Variants in EBF4 observed in about 807,000 individuals in gnomAD.
The protein encoded by EBF4 is EBF transcription factor 4, also known as transcription factor COE4.
EBF4 carries 34 observed loss-of-function variants against 67.1 expected under a neutral mutation model. That is an observed-to-expected ratio of 0.51 (90% CI 0.39 to 0.67). EBF4 has a LOEUF of 0.67. Among genes scored for constraint, EBF4 ranks in the 30% least tolerant of loss-of-function variants. EBF4 has a pLI of 0.00. For missense variants in EBF4, 837 were observed against 873.3 expected, an observed-to-expected ratio of 0.96 and a Z score of 0.52; for synonymous variants, 387 against 377.7, an observed-to-expected ratio of 1.02 and a Z score of -0.29.
intron 1 of EBF4, among the ~76,000 whole-genome samples, chr20:2,701,870 T>A (rs2087380477): frequency 6.6e-6 from 1 of 152,196 alleles, no homozygotes; most frequent in African/African-American, 2.4e-5. Flanking sequence ...GAGTTCAAGT[T>A]AAGCTGGTCC....
chr20:2,743,249 C>A (rs1003419682), intron 6 of EBF4, among the ~76,000 whole-genome samples: 1 of 152,200 alleles, frequency 6.6e-6, no homozygotes, highest in South Asian at 2.1e-4. Flanking sequence ...CCAGCCTCTG[C>A]GGTGTGTCTG....
chr20:2,730,367 T>G lies in EBF4; in HGVS notation c.558-18182T>G, dbSNP rs2146444531. ...TTCATCTTCACAGTGCCTCTTCCTC[T>G]TCTGTCTAATCTCCCTCTATCCTAT... On this transcript the variant is annotated intron_variant, in intron 6 of 16. Transcript: ENST00000609451. Among the ~76,000 whole-genome samples, 5 of 152,284 alleles carry G rather than the reference T, an allele frequency of 3.3e-5. 1 individual carries two copies. In the South Asian group the frequency reaches 1.0e-3, roughly 32 times the overall value.
chr20:2,756,264 TAGA>T lies in EBF4; in HGVS notation c.1738+444_1738+446del, dbSNP rs2088241388. On this transcript the variant is annotated intron_variant, in intron 15 of 16. Coordinates refer to ENST00000609451, the Ensembl canonical transcript of EBF4. This position sits in a 1 kb window ranked among gnomAD's most constrained non-coding sequence, Gnocchi z 4.5. Reference sequence around the variant, plus strand: ...GCTGACCATGGAAGGGGACTGACCTTAGAAGAGGCTTAGCCCAGCTTCCCTCCC... The same window carrying T: ...GCTGACCATGGAAGGGGACTGACCTTAGAGGCTTAGCCCAGCTTCCCTCCC... 1.3e-5 allele frequency among the ~76,000 whole-genome samples: 2 copies of T among 152,300 alleles called. No individual in the cohort carries two copies. Among genetic ancestry groups the T allele is most frequent in the South Asian group, 4.1e-4 (2 of 4,832 alleles).
Position 2,755,924 on chromosome 20 carries a change from A to C in EBF4, c.1738+100A>C. 1 of 1,189,524 alleles carries C rather than the reference A, an allele frequency of 8.4e-7. No homozygotes were observed. Among genetic ancestry groups the C allele is most frequent in the Non-Finnish European group, 1.2e-6 (1 of 864,208 alleles). The allele number at this position is 1,189,524 out of a possible 1,614,324, so 73.7% of individuals were successfully genotyped here. On this transcript the variant is annotated intron_variant, in intron 15 of 16. Coordinates refer to ENST00000609451, the Ensembl canonical transcript of EBF4. The surrounding 1 kb of genome is among the most constrained non-coding windows in gnomAD (Gnocchi z 4.7). Reference sequence around the variant, plus strand: ...TCTGTCCACATCTCACCAGTGCCTCATGCTGGCTAACCTGCTCTTCTTGGA... The same window carrying C: ...TCTGTCCACATCTCACCAGTGCCTCCTGCTGGCTAACCTGCTCTTCTTGGA...
At chr20:2,729,948 G>GCT (rs1320536910) in intron 6 of EBF4, among the ~76,000 whole-genome samples, 1 of 152,164 alleles carries the variant, frequency 6.6e-6, no homozygotes, top group Non-Finnish European at 1.5e-5. Flanking sequence ...GCCACTGGAA[G>GCT]CTCTGGAATG....
At chr20:2,748,507 A>G (rs1600240620) in intron 6 of EBF4, 42 bp from the exon 7 acceptor site, 1 of 1,532,738 alleles carries the variant, frequency 6.5e-7, no homozygotes, top group South Asian at 1.2e-5. Context: ...ATCTGTTTCC[A>G]GAACCCCCAG....
intron 6 of EBF4, among the ~76,000 whole-genome samples, chr20:2,728,269 T>C (rs894900511): frequency 2.0e-5 from 3 of 152,216 alleles, no homozygotes; most frequent in African/African-American, 4.8e-5. Context: ...TCATCTTTTT[T>C]CCACCACTCT....
At chr20:2,752,196 G>A in exon 13 of EBF4, 2 of 1,425,252 alleles carry the variant, frequency 1.4e-6, no homozygotes, top group Non-Finnish European at 1.8e-6. Context: ...CCGCCGTCGT[G>A]GGCATCAACG....
At chr20:2,735,141 T>C (rs1254531678) in intron 6 of EBF4, among the ~76,000 whole-genome samples, 4 of 152,200 alleles carry the variant, frequency 2.6e-5, no homozygotes, top group African/African-American at 7.2e-5. Flanking sequence ...ACCCTGAAGA[T>C]AGGGTCTTTC....
Position 2,756,843 on chromosome 20 carries a change from T to C in EBF4, c.1738+1019T>C, listed in dbSNP as rs907040722. Among the ~76,000 whole-genome samples the C allele has an allele frequency of 1.3e-5, 2 of 152,224 alleles. No individual in the cohort carries two copies. Among genetic ancestry groups the C allele is most frequent in the African/African-American group, 4.8e-5 (2 of 41,460 alleles). ...GTGTTGAAATTACGTAAGTGGCTAC[T>C]GAAGAATTTGTCAGAGCCTTTCATG... is the stretch of plus-strand genomic sequence containing the variant. On this transcript the variant is annotated intron_variant, in intron 15 of 16. Transcript: ENST00000609451. The surrounding 1 kb of genome is among the most constrained non-coding windows in gnomAD (Gnocchi z 4.5).
rs35298353 is a variant in EBF4, at chr20:2,744,492, C to CTTTT, written c.558-4043_558-4040dup. 1.3e-3 allele frequency among the ~76,000 whole-genome samples: 147 copies of CTTTT among 115,862 alleles called. 3 individuals carry two copies. Among genetic ancestry groups the CTTTT allele is most frequent in the African/African-American group, 4.5e-3 (136 of 29,964 alleles). The allele number at this position is 115,862 out of a possible 152,430, so 76.0% of individuals were successfully genotyped here. A position where few individuals can be genotyped will look rare whatever the true frequency, so the allele number is the denominator to read the frequency against. ...CTTTTCTTTTTTCTTTTTTTCTTTT[C>CTTTT]TTTTTTTTTTTTTTTTTGAGACAGG... On this transcript the variant is annotated intron_variant, in intron 6 of 16. Coordinates refer to ENST00000609451, the Ensembl canonical transcript of EBF4.
rs151176445 is a variant in EBF4, at chr20:2,703,802, G to A, written c.138-1775G>A. 2.1e-3 allele frequency among the ~76,000 whole-genome samples: 323 copies of A among 152,308 alleles called. 2 individuals are homozygous for A. The highest frequency in any genetic ancestry group is 7.3e-3 in the African/African-American group (304 of 41,560). Reference sequence around the variant, plus strand: ...CACACAATTTCTGAGGTCAGAATAAGGGAGCAGACTAGCCTGGTGGTTCTG... The same window carrying A: ...CACACAATTTCTGAGGTCAGAATAAAGGAGCAGACTAGCCTGGTGGTTCTG... On this transcript the variant is annotated intron_variant, in intron 1 of 16. Transcript: ENST00000609451.
At chr20:2,715,420 A>G (rs2087595311) in intron 6 of EBF4, among the ~76,000 whole-genome samples, 2 of 152,254 alleles carry the variant, frequency 1.3e-5, no homozygotes, top group South Asian at 2.1e-4. Flanking sequence ...CAAAGCTGCT[A>G]TGAGCATTCT....
At chr20:2,749,797 C>G in intron 9 of EBF4, 44 bp downstream of exon 9, 1 of 1,540,854 alleles carries the variant, frequency 6.5e-7, no homozygotes, top group Non-Finnish European at 8.8e-7. Flanking sequence ...AGGGGCTGGG[C>G]CCTCCCCTCG....
chr20:2,752,468 C>G, exon 14 of EBF4: 1 of 1,268,060 alleles, frequency 7.9e-7, no homozygotes, highest in Non-Finnish European at 9.9e-7. Flanking sequence ...GGCTACGGCG[C>G]GCCGGGCGTG....
chr20:2,744,479 CTTT>C (rs1190494535), intron 6 of EBF4, among the ~76,000 whole-genome samples: 1 of 118,004 alleles, frequency 8.5e-6, no homozygotes, highest in Non-Finnish European at 1.7e-5. Context: ...TTTCTTTTTT[CTTT>C]TTTTCTTTTC....
chr20:2,728,628 T>G (rs1243638215), intron 6 of EBF4, among the ~76,000 whole-genome samples: 1 of 152,134 alleles, frequency 6.6e-6, no homozygotes, highest in African/African-American at 2.4e-5. Context: ...TCTGAGCTTT[T>G]GTAGATCTCT....
At position 2,744,487 on chromosome 20, in the gene EBF4, C is replaced by CTTTTTTTTTTTTT. The variant is rs778840182; in HGVS notation, c.558-4058_558-4057insTTTTTTTTTTTTT. ...TTTTTCTTTTCTTTTTTCTTTTTTTCTTTTCTTTTTTTTTTTTTTTTTGAG... is the reference window on the plus strand; with the variant it reads ...TTTTTCTTTTCTTTTTTCTTTTTTTCTTTTTTTTTTTTTTTTTCTTTTTTTTTTTTTTTTTGAG... On this transcript the variant is annotated intron_variant, in intron 6 of 16. Transcript: ENST00000609451. Among the ~76,000 whole-genome samples, 5 of 111,494 alleles carry CTTTTTTTTTTTTT rather than the reference C, an allele frequency of 4.5e-5. 1 individual carries two copies. The highest frequency in any genetic ancestry group is 1.2e-4 in the African/African-American group (3 of 25,450). 73.1% of individuals were successfully genotyped at this position (111,494 alleles called of 152,430 possible).
chr20:2,749,912 G>A, exon 10 of EBF4: 1 of 1,551,520 alleles, frequency 6.4e-7, no homozygotes, highest in Non-Finnish European at 8.7e-7. Context: ...TGGTGGAGGT[G>A]ACCCTCTCCT....
Sources: gnomAD v4.1 joint callset for allele counts (sites outside exome capture counted in the v4.1 genomes callset) on GRCh38, gnomAD v4.1.1 for gene constraint, Gnocchi (gnomAD v3.1) non-coding constraint, MANE v1.5 for transcripts, NCBI Gene and HGNC (gene_info 2026-07-23, HGNC 2026-07-21) for gene names.